The following PCDH11X variants were observed in gnomAD, a reference collection of about 807,000 sequenced individuals.
PCDH11X encodes protocadherin-11 X-linked.
In PCDH11X, 18 loss-of-function variants were observed where a neutral mutation model predicts 53.3. That is an observed-to-expected ratio of 0.34 (90% CI 0.23 to 0.50). The LOEUF (loss-of-function observed/expected upper bound fraction) is 0.50, where lower values mean the gene tolerates loss of function less well. PCDH11X is among the 20% of genes least tolerant of loss of function. PCDH11X has a pLI of 0.98. For missense variants in PCDH11X, 570 were observed against 1,032.4 expected, an observed-to-expected ratio of 0.55 and a Z score of 6.14; for synonymous variants, 279 against 393.3, an observed-to-expected ratio of 0.71 and a Z score of 3.44.
intron 9 of PCDH11X, among the ~76,000 whole-genome samples, chrX:92,413,955 A>T (rs1311079360): frequency 1.9e-5 from 2 of 106,066 alleles, no homozygotes; most frequent in Non-Finnish European, 3.9e-5. Context: ...GGACACAAAA[A>T]CCCTCACTGT....
At chrX:91,903,708 G>A (rs1941046837) in intron 6 of PCDH11X, among the ~76,000 whole-genome samples, 1 of 107,244 alleles carries the variant, frequency 9.3e-6, no homozygotes, top group Non-Finnish European at 1.9e-5. Flanking sequence ...AAATATTTGA[G>A]TAGAAAAAAA....
At chrX:91,930,630 T>C (rs1460079762) in intron 6 of PCDH11X, among the ~76,000 whole-genome samples, 2 of 106,159 alleles carry the variant, frequency 1.9e-5, no homozygotes, top group Non-Finnish European at 3.9e-5. Context: ...CCATCAAAAG[T>C]GAGAAGTAGG....
At chrX:92,007,722 C>T (rs1415221704) in intron 6 of PCDH11X, among the ~76,000 whole-genome samples, 1 of 111,764 alleles carries the variant, frequency 8.9e-6, no homozygotes, top group African/African-American at 3.3e-5. Context: ...AGGAGTTTTG[C>T]CCCGGAGCCA....
At chrX:92,230,974 A>C (rs1452199367) in intron 7 of PCDH11X, among the ~76,000 whole-genome samples, 1 of 111,209 alleles carries the variant, frequency 9.0e-6, no homozygotes, top group Admixed American at 9.7e-5. Context: ...CAGCCATAGA[A>C]TAGAGTCTGG....
In PCDH11X at chrX:92,618,293, G is replaced by A. The variant is rs1161031199; in HGVS notation, c.3397G>A (p.Glu1133Lys). The change falls in exon 11 of 11, where the codon GAA becomes AAA. Residue 1133 changes from glutamate (E) to lysine (K), a missense_variant. Physicochemically the swap from Glu to Lys is moderately conservative, Grantham distance 56. Around this residue, in one of 6 missense-constraint regions of PCDH11X, gnomAD observed 234 missense variants for 296.1 expected, o/e 0.79. Coordinates refer to ENST00000682573, the MANE Select transcript of PCDH11X (RefSeq NM_032968.5). ...AGAAATAACTGTTCAACCAACTGTG[G>A]AAGAGGCCTCTGACAACTGCACTCA... ...AAEITVQPTVEEASDNCTQEC... is the reference protein window; with the variant it reads ...AAEITVQPTVKEASDNCTQEC... 1 of 1,207,792 alleles carries A rather than the reference G, an allele frequency of 8.3e-7. No individual in the cohort carries two copies. Among genetic ancestry groups the A allele is most frequent in the African/African-American group, 1.7e-5 (1 of 57,665 alleles).
chrX:92,152,874 T>C (rs1401034283), intron 6 of PCDH11X, among the ~76,000 whole-genome samples: 1 of 110,212 alleles, frequency 9.1e-6, no homozygotes, highest in Non-Finnish European at 1.9e-5. Context: ...CTCGGCTCAG[T>C]GCAACCTCCG....
Position 92,314,120 on chromosome X carries a change from T to C in PCDH11X, c.3144+50977T>C, listed in dbSNP as rs745793153. On this transcript the variant is annotated intron_variant, in intron 8 of 10. Transcript: ENST00000682573. ...TAATTTTTAAATATTTTGAACTCTT[T>C]TGTAATAACACTTAGTTTAAAACAC... Among the ~76,000 whole-genome samples the C allele has an allele frequency of 2.2e-3, 245 of 112,763 alleles. 1 individual carries two copies. The highest frequency in any genetic ancestry group is 7.3e-3 in the African/African-American group (229 of 31,160).
intron 1 of PCDH11X, among the ~76,000 whole-genome samples, chrX:91,794,535 G>A (rs1935668457): frequency 1.8e-5 from 2 of 111,744 alleles, no homozygotes; most frequent in Admixed American, 1.9e-4. Context: ...AATACAAATT[G>A]TGATGAGATA....
At chrX:92,222,122 C>A in intron 7 of PCDH11X, among the ~76,000 whole-genome samples, 1 of 98,967 alleles carries the variant, frequency 1.0e-5, no homozygotes, top group East Asian at 3.2e-4. Context: ...GCGTGAGCCA[C>A]CATGCCCAGC....
intron 6 of PCDH11X, among the ~76,000 whole-genome samples, chrX:91,882,591 A>T (rs1328929181): frequency 1.8e-5 from 2 of 110,013 alleles, no homozygotes; most frequent in Non-Finnish European, 3.8e-5. Flanking sequence ...CAAACAAAAA[A>T]CCTTACAAGT....
chrX:91,907,405 A>ACACC (rs1556332928), intron 6 of PCDH11X, among the ~76,000 whole-genome samples: 67 of 72,538 alleles, frequency 9.2e-4, no homozygotes, highest in East Asian at 1.6e-3. Context: ...ACACACACAC[A>ACACC]CACACACAGA....
chrX:92,615,316 G>A (rs766776265), intron 10 of PCDH11X, among the ~76,000 whole-genome samples: 65 of 111,179 alleles, frequency 5.8e-4, no homozygotes, highest in African/African-American at 2.0e-3. Context: ...GCAAGTGGGC[G>A]CTCCAGATGC....
At chrX:92,530,436 A>G (rs1330400489) in intron 10 of PCDH11X, among the ~76,000 whole-genome samples, 2 of 111,863 alleles carry the variant, frequency 1.8e-5, no homozygotes, top group African/African-American at 3.2e-5. Context: ...TTTAATCTAT[A>G]GCTGTTAGGC....
chrX:92,519,373 C>T (rs755600860), intron 10 of PCDH11X, among the ~76,000 whole-genome samples: 1 of 109,100 alleles, frequency 9.2e-6, no homozygotes, highest in African/African-American at 3.3e-5. Flanking sequence ...TTGATCTCTT[C>T]CCCTCTCCTA....
intron 6 of PCDH11X, among the ~76,000 whole-genome samples, chrX:91,957,061 G>C (rs1447028617): frequency 9.1e-6 from 1 of 109,822 alleles, no homozygotes; most frequent in East Asian, 2.9e-4. Flanking sequence ...GTCAATACTT[G>C]TGTTTGCATT....
chrX:91,935,625 CTCAA>C (rs1420229750), intron 6 of PCDH11X, among the ~76,000 whole-genome samples: 4 of 108,128 alleles, frequency 3.7e-5, no homozygotes, highest in South Asian at 4.1e-4. Flanking sequence ...TGAGACAAGT[CTCAA>C]TCAATTTAGA....
At chrX:92,378,981 C>A (rs2070812344) in intron 8 of PCDH11X, among the ~76,000 whole-genome samples, 1 of 113,061 alleles carries the variant, frequency 8.8e-6, no homozygotes, top group African/African-American at 3.2e-5. Flanking sequence ...TTTTGAAACC[C>A]AGGAATTTGT....
intron 6 of PCDH11X, among the ~76,000 whole-genome samples, chrX:92,155,508 T>G (rs1366158232): frequency 2.2e-5 from 2 of 91,154 alleles, no homozygotes; most frequent in Non-Finnish European, 4.3e-5. Context: ...TTTCACACAC[T>G]TTGGCTCTTT....
intron 6 of PCDH11X, among the ~76,000 whole-genome samples, chrX:91,907,503 A>G (rs1223104528): frequency 9.4e-6 from 1 of 106,857 alleles, no homozygotes; most frequent in African/African-American, 3.4e-5. Context: ...GGTCTTAAAT[A>G]CTACCAATGG....
Sources: allele counts gnomAD v4.1 joint callset (sites outside exome capture counted in the v4.1 genomes callset), GRCh38; gene constraint gnomAD v4.1.1; regional missense constraint gnomAD v4.1.1; transcripts MANE v1.5; gene names NCBI Gene and HGNC (gene_info 2026-07-23, HGNC 2026-07-21).